Variants in MACROD2 observed in about 807,000 individuals in gnomAD.
The protein encoded by MACROD2 is ADP-ribose glycohydrolase MACROD2.
Under a neutral mutation model 70.4 loss-of-function variants are expected in MACROD2, and 36 were observed. The ratio of observed to expected loss-of-function variants is 0.51; its 90% CI spans 0.39 to 0.68. The LOEUF is 0.68. Ranked by LOEUF, MACROD2 falls within the 30% of genes least tolerant of loss-of-function variation. The pLI, the probability that MACROD2 is intolerant of heterozygous loss-of-function variation, is 0.00. For missense variants in MACROD2, 496 were observed against 538.4 expected (o/e 0.92, Z 0.78); for synonymous variants, 172 against 178.8 (o/e 0.96, Z 0.30).
chr20:14,256,745 C>A (rs941449389), intron 3 of MACROD2, among the ~76,000 whole-genome samples: 4 of 152,106 alleles, frequency 2.6e-5, no homozygotes, highest in African/African-American at 9.7e-5. Context: ...GTTTAAGCCC[C>A]AGAATCTTTT....
At chr20:14,915,219 C>T (rs764668025) in intron 5 of MACROD2, among the ~76,000 whole-genome samples, 13 of 152,164 alleles carry the variant, frequency 8.5e-5, no homozygotes, top group Admixed American at 2.0e-4. Flanking sequence ...TGAATTTAGC[C>T]ATGGCTCTTA....
chr20:14,552,882 T>C (rs1013659832), intron 4 of MACROD2, among the ~76,000 whole-genome samples: 2 of 152,126 alleles, frequency 1.3e-5, no homozygotes, highest in African/African-American at 4.8e-5. Flanking sequence ...GATGAGTCAG[T>C]GAGTTAGTGG....
intron 5 of MACROD2, among the ~76,000 whole-genome samples, chr20:15,228,947 C>G (rs2076935836): frequency 6.6e-6 from 1 of 152,116 alleles, no homozygotes; most frequent in African/African-American, 2.4e-5. Flanking sequence ...TTATAATACT[C>G]CAATTACATT....
At chr20:15,630,213 C>A (rs1165383247) in intron 8 of MACROD2, among the ~76,000 whole-genome samples, 1 of 152,180 alleles carries the variant, frequency 6.6e-6, no homozygotes, top group African/African-American at 2.4e-5. Context: ...ATCTTCAGAG[C>A]AGATGCAGAG....
intron 5 of MACROD2, among the ~76,000 whole-genome samples, chr20:14,846,757 T>C (rs2073146046): frequency 6.6e-6 from 1 of 151,016 alleles, no homozygotes. Context: ...GACCTTGTGA[T>C]CCGCCTGTCT....
rs1200847253 is a variant in MACROD2 at position 14,361,126 on chromosome 20, GCCATTGA to G, written c.272-132352_272-132346del. ...TCTACTTATGTACTTATGTGCCAAG[GCCATTGA>G]AAGTGGCTCTTTGAGGACTGTGTTA... On this transcript the variant is annotated intron_variant, in intron 3 of 17. Transcript: ENST00000684519. Among the ~76,000 whole-genome samples, 3 of 152,210 alleles carry G rather than the reference GCCATTGA, an allele frequency of 2.0e-5. No homozygotes were observed. In the East Asian group the frequency reaches 5.8e-4, roughly 29 times the overall value.
chr20:15,055,797 CT>C (rs11482233), intron 5 of MACROD2, among the ~76,000 whole-genome samples: 347 of 136,724 alleles, frequency 2.5e-3, no homozygotes, highest in Middle Eastern at 7.5e-3. Context: ...AAAGCAACAT[CT>C]TTTTTTTTTT....
At chr20:14,661,108 T>C (rs534141534) in intron 4 of MACROD2, among the ~76,000 whole-genome samples, 1 of 152,166 alleles carries the variant, frequency 6.6e-6, no homozygotes, top group African/African-American at 2.4e-5. Flanking sequence ...CTGTTTCTAG[T>C]TCTTTGAGAG....
At chr20:13,999,755 A>G (rs1038849302) in intron 1 of MACROD2, among the ~76,000 whole-genome samples, 1 of 152,250 alleles carries the variant, frequency 6.6e-6, no homozygotes, top group African/African-American at 2.4e-5. Context: ...TACAACTCAA[A>G]CAGCTCTGTT....
At position 15,040,584 on chromosome 20, in the gene MACROD2, A is replaced by G. The variant is rs921118840; in HGVS notation, c.419-189356A>G. ...GTGTCTTCAGGGGGGTCTTTATCTCATGTTTCATTCCCTTGTATGGATTGC... is the reference window on the plus strand; with the variant it reads ...GTGTCTTCAGGGGGGTCTTTATCTCGTGTTTCATTCCCTTGTATGGATTGC... On this transcript the variant is annotated intron_variant, in intron 5 of 17. Coordinates refer to ENST00000684519, the MANE Select transcript of MACROD2 (RefSeq NM_001351661.2). 4.6e-5 allele frequency among the ~76,000 whole-genome samples: 7 copies of G among 152,148 alleles called. No homozygotes were observed. The East Asian group carries it at 1.2e-3, about 25-fold the overall frequency.
chr20:15,712,555 T>C (rs1345366079), intron 8 of MACROD2, among the ~76,000 whole-genome samples: 2 of 152,158 alleles, frequency 1.3e-5, no homozygotes, highest in Non-Finnish European at 2.9e-5. Context: ...GAAGTTGCTC[T>C]TAAAAAAAAA....
intron 8 of MACROD2, among the ~76,000 whole-genome samples, chr20:15,650,675 G>A (rs892738192): frequency 2.6e-5 from 4 of 152,110 alleles, no homozygotes; most frequent in African/African-American, 9.7e-5. Flanking sequence ...AGACTGTTCA[G>A]CAGTTCTGTT....
chr20:15,054,180 A>C (rs1030059178), intron 5 of MACROD2, among the ~76,000 whole-genome samples: 4 of 152,216 alleles, frequency 2.6e-5, no homozygotes, highest in Admixed American at 6.5e-5. Flanking sequence ...AGGATTTAGA[A>C]TATTCCGTAA....
At chr20:15,035,839 G>A (rs976050670) in intron 5 of MACROD2, among the ~76,000 whole-genome samples, 1 of 152,066 alleles carries the variant, frequency 6.6e-6, no homozygotes, top group Non-Finnish European at 1.5e-5. Flanking sequence ...TCCTTTCCTA[G>A]CCATGGGTAT....
intron 3 of MACROD2, among the ~76,000 whole-genome samples, chr20:14,204,754 G>A (rs1301314813): frequency 6.6e-6 from 1 of 152,152 alleles, no homozygotes; most frequent in African/African-American, 2.4e-5. Flanking sequence ...CCAGTGTTCT[G>A]TCTTAGAAGC....
intron 5 of MACROD2, among the ~76,000 whole-genome samples, chr20:15,210,289 A>G (rs1030458632): frequency 6.6e-6 from 1 of 152,240 alleles, no homozygotes; most frequent in Non-Finnish European, 1.5e-5. Context: ...GGATTTGTCC[A>G]GTGGGACTCC....
At chr20:14,526,999 G>C (rs531397050) in intron 4 of MACROD2, among the ~76,000 whole-genome samples, 2 of 152,360 alleles carry the variant, frequency 1.3e-5, no homozygotes, top group Admixed American at 6.5e-5. Flanking sequence ...TGGAGAATGA[G>C]TGCAAGGTTT....
intron 3 of MACROD2, among the ~76,000 whole-genome samples, chr20:14,246,046 A>G (rs2081966145): frequency 6.6e-6 from 1 of 152,196 alleles, no homozygotes; most frequent in Non-Finnish European, 1.5e-5. Flanking sequence ...TCTTCCTTAA[A>G]CATAAATTCT....
intron 7 of MACROD2, among the ~76,000 whole-genome samples, chr20:15,470,347 C>T (rs1180627878): frequency 6.6e-6 from 1 of 152,202 alleles, no homozygotes; most frequent in Non-Finnish European, 1.5e-5. Flanking sequence ...CTGCGCCCAG[C>T]CCTTTCTGTA....
Sources: allele counts gnomAD v4.1 joint callset (sites outside exome capture counted in the v4.1 genomes callset), GRCh38; gene constraint gnomAD v4.1.1; transcripts MANE v1.5; gene names NCBI Gene and HGNC (gene_info 2026-07-23, HGNC 2026-07-21).